The following RANGRF variants were observed in gnomAD, a reference collection of about 807,000 sequenced individuals.
The protein encoded by RANGRF is RAN guanine nucleotide release factor, also known as MOG1 homolog.
A neutral mutation model predicts 21.8 loss-of-function variants in RANGRF; 17 were observed. That is an observed-to-expected ratio of 0.78 (90% CI 0.53 to 1.17). The LOEUF is 1.17. Among genes scored for constraint, RANGRF ranks in the 50% most tolerant of loss-of-function variants. The pLI is 0.00. For synonymous variants in RANGRF, 97 were observed against 94.3 expected (o/e 1.03, Z -0.17); for missense variants, 225 against 235.5 (o/e 0.96, Z 0.29).
intron 3 of RANGRF, 28 bp downstream of exon 3, chr17:8,289,442 T>C: frequency 1.2e-6 from 2 of 1,614,048 alleles, no homozygotes; most frequent in Non-Finnish European, 1.7e-6. Flanking sequence ...TGTAATGTCC[T>C]GGAAGGGCGG....
rs775982750 is a variant in RANGRF, at chr17:8,290,014, G to A, written c.*78G>A. On this transcript the variant is annotated 3_prime_UTR_variant, in exon 5 of 5. Coordinates refer to ENST00000226105, the MANE Select transcript of RANGRF (RefSeq NM_016492.5). ...GAGGGGGAAAAGAGGTTGAAAAGAG[G>A]GTTTCCTCTTATTTCTTCCCTGTGC... 11 of 1,606,242 alleles carry A rather than the reference G, an allele frequency of 6.8e-6. No individual in the cohort carries two copies. Among genetic ancestry groups the A allele is most frequent in the African/African-American group, 1.3e-5 (1 of 74,640 alleles).
At chr17:8,289,783 T>C in intron 4 of RANGRF, 30 bp from the exon 5 acceptor site, 2 of 1,613,634 alleles carry the variant, frequency 1.2e-6, no homozygotes, top group Non-Finnish European at 1.7e-6. Flanking sequence ...CTGGATGATG[T>C]TCTGTCTCCA....
chr17:8,289,492 G>A lies in RANGRF; in HGVS notation c.352-11G>A. Reference sequence around the variant, plus strand: ...AGATCCAGGTAAGCATCCTGACTCTGATCCCCTTAGGTAGCAAAGGACGTG... The same window carrying A: ...AGATCCAGGTAAGCATCCTGACTCTAATCCCCTTAGGTAGCAAAGGACGTG... On this transcript the variant is annotated splice_polypyrimidine_tract_variant and intron_variant, in intron 3 of 4. Transcript: ENST00000226105. 2 of 1,614,184 alleles carry A rather than the reference G, an allele frequency of 1.2e-6. No individual in the cohort carries two copies. The highest frequency in any genetic ancestry group is 1.7e-6 in the Non-Finnish European group (2 of 1,180,034).
rs1172083252 is a variant in RANGRF at position 8,289,867 on chromosome 17, C to A, written c.492C>A (p.Ser164Arg). 1.3e-5 allele frequency: 21 copies of A among 1,614,148 alleles called. No homozygotes were observed. The highest frequency in any genetic ancestry group is 6.7e-5 in the African/African-American group (5 of 75,028). ...GPENLSPAPW[S>R]LGDFEQLVTS... ...AAAATCTGTCACCTGCACCCTGGAG[C>A]CTGGGTGACTTTGAACAGCTGGTGA... The change falls in exon 5 of 5, where the codon AGC (serine) becomes AGA (arginine). Residue 164 changes from serine (S) to arginine (R), a missense_variant. Physicochemically the swap from Ser to Arg is moderately radical, Grantham distance 110 (BLOSUM62 -1). Coordinates refer to ENST00000226105, the MANE Select transcript of RANGRF (RefSeq NM_016492.5).
Position 8,288,703 on chromosome 17 carries a change from C to G in RANGRF, c.-86C>G. On this transcript the variant is annotated 5_prime_UTR_variant, in exon 1 of 5. Transcript: ENST00000226105. ...AGCCAGACCCGGGTGGCGGTGGCAG[C>G]TGCGAAACCCAGGGAGCCGATGCCA... is the stretch of plus-strand genomic sequence containing the variant. 1 of 1,485,208 alleles carries G rather than the reference C, an allele frequency of 6.7e-7. No individual in the cohort carries two copies. Among genetic ancestry groups the G allele is most frequent in the South Asian group, 1.1e-5 (1 of 88,324 alleles). 92.0% of individuals were successfully genotyped at this position (1,485,208 alleles called of 1,614,324 possible).
At position 8,289,894 on chromosome 17, in the gene RANGRF, C is replaced by T; in HGVS notation, c.519C>T (p.Thr173=). The change falls in exon 5 of 5, where the codon ACC becomes ACT. Residue 173 remains threonine (T), a synonymous_variant. Coordinates refer to ENST00000226105, the MANE Select transcript of RANGRF (RefSeq NM_016492.5). The part of the protein sequence containing the change: ...WSLGDFEQLV[T]SLTLHDPNIF... ...TGGGTGACTTTGAACAGCTGGTGACCAGTCTGACCCTTCACGATCCTAACA... is the reference window on the plus strand; with the variant it reads ...TGGGTGACTTTGAACAGCTGGTGACTAGTCTGACCCTTCACGATCCTAACA... 12 of 1,614,138 alleles carry T rather than the reference C, an allele frequency of 7.4e-6. No individual in the cohort carries two copies. Among genetic ancestry groups the T allele is most frequent in the South Asian group, 1.1e-5 (1 of 91,082 alleles).
At position 8,289,430 on chromosome 17, in the gene RANGRF, T is replaced by C; in HGVS notation, c.351+16T>C. Reference sequence around the variant, plus strand: ...AAACCAGCAGGTGAGGGCCCGAGAGTGTGTAATGTCCTGGAAGGGCGGTAG... The same window carrying C: ...AAACCAGCAGGTGAGGGCCCGAGAGCGTGTAATGTCCTGGAAGGGCGGTAG... On this transcript the variant is annotated intron_variant, in intron 3 of 4. Coordinates refer to ENST00000226105, the MANE Select transcript of RANGRF (RefSeq NM_016492.5). 6.2e-7 allele frequency: 1 copy of C among 1,613,204 alleles called. No individual in the cohort carries two copies. Among genetic ancestry groups the C allele is most frequent in the Non-Finnish European group, 8.5e-7 (1 of 1,179,752 alleles).
intron 3 of RANGRF, 21 bp from the exon 4 acceptor site, chr17:8,289,482 T>C (rs1990308299): frequency 1.2e-6 from 2 of 1,614,026 alleles, no homozygotes; most frequent in East Asian, 2.2e-5. Flanking sequence ...CAGGTAAGCA[T>C]CCTGACTCTG....
chr17:8,289,373 G>A lies in RANGRF; in HGVS notation c.310G>A (p.Val104Ile), dbSNP rs757520153. 9.3e-6 allele frequency: 15 copies of A among 1,614,148 alleles called. No individual in the cohort carries two copies. In the East Asian group the frequency reaches 2.7e-4, roughly 29 times the overall value. Residue 104 changes from valine (V) to isoleucine (I), a missense_variant, in exon 3 of 5, where the codon GTC becomes ATC. Coordinates refer to ENST00000226105, the MANE Select transcript of RANGRF (RefSeq NM_016492.5). ...GAGGGGCCGCTGTCAAGAAGCCTGG[G>A]TCCTCTCTGGCAAGCAGCAGATAGC... Reference protein sequence around the residue: ...ALRGRCQEAWVLSGKQQIAKE... With the variant: ...ALRGRCQEAWILSGKQQIAKE...
In RANGRF at chr17:8,289,086, C is replaced by G; in HGVS notation, c.194+14C>G. ...AGCGGCTGCGCGGTGAGGGAATGGC[C>G]CCCGGCTGGCCAATGGCAGGGGCGG... On this transcript the variant is annotated intron_variant, in intron 2 of 4. Coordinates refer to ENST00000226105, the MANE Select transcript of RANGRF (RefSeq NM_016492.5). 1 of 1,612,628 alleles carries G rather than the reference C, an allele frequency of 6.2e-7. No individual in the cohort carries two copies. Among genetic ancestry groups the G allele is most frequent in the Non-Finnish European group, 8.5e-7 (1 of 1,179,452 alleles).
chr17:8,289,016 C>T lies in RANGRF; in HGVS notation c.138C>T (p.Ser46=), dbSNP rs1414488309. 1 of 1,613,994 alleles carries T rather than the reference C, an allele frequency of 6.2e-7. No homozygotes were observed. Among genetic ancestry groups the T allele is most frequent in the East Asian group, 2.2e-5 (1 of 44,892 alleles). The change falls in exon 2 of 5, where the codon AGC becomes AGT. Residue 46 remains serine (S), a synonymous_variant. Coordinates refer to ENST00000226105, the MANE Select transcript of RANGRF (RefSeq NM_016492.5). ...TCTGCCATCCCGTGACGGACCAGAG[C>T]CTGATAGTGGAACTTCTCGAGCTGC... ...EVFCHPVTDQ[S]LIVELLELQA...
intron 2 of RANGRF, 32 bp from the exon 3 acceptor site, chr17:8,289,226 T>C (rs1388248565): frequency 6.2e-7 from 1 of 1,611,012 alleles, no homozygotes; most frequent in Admixed American, 1.7e-5. Flanking sequence ...CGACCAGAGA[T>C]GTCCCTTCCT....
rs140312984 is a variant in RANGRF at position 8,289,580 on chromosome 17, T to A, written c.429T>A (p.Asn143Lys). The A allele has an allele frequency of 1.1e-5, 17 of 1,612,702 alleles. No individual in the cohort carries two copies. Among genetic ancestry groups the A allele is most frequent in the Non-Finnish European group, 1.4e-5 (17 of 1,178,986 alleles). Residue 143 changes from asparagine (N) to lysine (K), a missense_variant, in exon 4 of 5, where the codon AAT becomes AAA. By Grantham distance (94) the Asn-to-Lys change is moderately conservative. Coordinates refer to ENST00000226105, the MANE Select transcript of RANGRF (RefSeq NM_016492.5). ...QYQTDLLLTF[N>K]QPPPDNRSSL... ...AGACTGATCTCTTGCTTACCTTCAA[T>A]CAGCCCCCGTAAGGAGGAAGGAACG...
Position 8,288,987 on chromosome 17 carries a change from G to A in RANGRF, c.109G>A (p.Val37Ile), listed in dbSNP as rs1247874145. 9 of 1,614,064 alleles carry A rather than the reference G, an allele frequency of 5.6e-6. No homozygotes were observed. The highest frequency in any genetic ancestry group is 1.1e-5 in the South Asian group (1 of 91,096). Residue 37 changes from valine (V) to isoleucine (I), a missense_variant, in exon 2 of 5, where the codon GTT becomes ATT. Transcript: ENST00000226105. Reference protein sequence around the residue: ...DLRPVPDNQEVFCHPVTDQSL... With the variant: ...DLRPVPDNQEIFCHPVTDQSL... ...CCGACCGGTCCCGGACAATCAAGAA[G>A]TTTTCTGCCATCCCGTGACGGACCA...
Position 8,289,065 on chromosome 17 carries a change from G to A in RANGRF, c.187G>A (p.Ala63Thr). 1 of 1,613,564 alleles carries A rather than the reference G, an allele frequency of 6.2e-7. No homozygotes were observed. Among genetic ancestry groups the A allele is most frequent in the South Asian group, 1.1e-5 (1 of 91,088 alleles). The change falls in exon 2 of 5, where the codon GCT becomes ACT. Residue 63 changes from alanine to threonine, a missense_variant. Ala to Thr is a moderately conservative substitution (Grantham distance 58, BLOSUM62 0). Transcript: ENST00000226105. ...ELQAHVRGEA[A>T]ARYHFEDVGG... ...GCAGGCCCACGTACGGGGCGAAGCGGCTGCGCGGTGAGGGAATGGCCCCCG... is the reference window on the plus strand; with the variant it reads ...GCAGGCCCACGTACGGGGCGAAGCGACTGCGCGGTGAGGGAATGGCCCCCG...
chr17:8,289,752 G>A (rs1597442284), intron 4 of RANGRF, 61 bp from the exon 5 acceptor site: 1 of 1,613,774 alleles, frequency 6.2e-7, no homozygotes, highest in East Asian at 2.2e-5. Context: ...AACAGGAATT[G>A]GCAATTTCCA....
intron 4 of RANGRF, 94 bp downstream of exon 4, chr17:8,289,682 C>T (rs1366700507): frequency 2.5e-6 from 4 of 1,608,094 alleles, no homozygotes. Context: ...TGGTGGGATC[C>T]TCCAAGGAAG....
At chr17:8,288,906 G>A (rs761114818) in intron 1 of RANGRF, 41 bp downstream of exon 1, 3 of 1,613,852 alleles carry the variant, frequency 1.9e-6, no homozygotes, top group Non-Finnish European at 2.5e-6. Flanking sequence ...GACTGGGTGG[G>A]TTGTGGGAAG....
At position 8,288,842 on chromosome 17, in the gene RANGRF, C is replaced by T; in HGVS notation, c.54C>T (p.Leu18=). The T allele has an allele frequency of 6.2e-7, 1 of 1,614,234 alleles. No individual in the cohort carries two copies. The highest frequency in any genetic ancestry group is 1.1e-5 in the South Asian group (1 of 91,086). ...TCGGGGGCGCCTTTTCCGCCATCCTCCCCATGGGGGCCATTGACGTAAGGT... is the reference window on the plus strand; with the variant it reads ...TCGGGGGCGCCTTTTCCGCCATCCTTCCCATGGGGGCCATTGACGTAAGGT... The part of the protein sequence containing the change: ...PLFGGAFSAI[L]PMGAIDVSDL... Residue 18 remains leucine, a synonymous_variant, in exon 1 of 5, where the codon CTC becomes CTT. Coordinates refer to ENST00000226105, the MANE Select transcript of RANGRF (RefSeq NM_016492.5).
Sources: gnomAD v4.1 joint callset for allele counts on GRCh38, gnomAD v4.1.1 for gene constraint, MANE v1.5 for transcripts, NCBI Gene and HGNC (gene_info 2026-07-23, HGNC 2026-07-21) for gene names.